Variants in DBF4 observed in about 807,000 individuals in gnomAD.
DBF4 encodes the protein DBF4-CDC7 kinase regulatory subunit, also known as protein DBF4 homolog A.
DBF4 carries 25 observed loss-of-function variants against 76.6 expected under a neutral mutation model. The observed-to-expected ratio is 0.33, with a 90% CI of 0.24 to 0.46. The LOEUF (loss-of-function observed/expected upper bound fraction) is 0.46. DBF4 is among the 20% of genes least tolerant of loss of function. The pLI, the probability that DBF4 is intolerant of heterozygous loss-of-function variation, is 1.00. For synonymous variants in DBF4, 213 were observed against 258.0 expected (o/e 0.83, Z 1.67); for missense variants, 638 against 760.8 (o/e 0.84, Z 1.90).
chr7:87,897,206 A>C, intron 7 of DBF4, 88 bp from the exon 8 acceptor site: 1 of 1,261,014 alleles, frequency 7.9e-7, no homozygotes, highest in South Asian at 1.3e-5. Context: ...TTTTGTTTGG[A>C]GGGTTTTGTT....
At chr7:87,889,632 C>T (rs79425419) in intron 6 of DBF4, among the ~76,000 whole-genome samples, 2,149 of 151,986 alleles carry the variant, frequency 0.014, 37 homozygotes, top group African/African-American at 0.037. Flanking sequence ...ATATACATGC[C>T]GTATATAAGG....
rs142460583 is a variant in DBF4 at position 87,900,870 on chromosome 7, C to A, written c.916C>A (p.Leu306Ile). The A allele has an allele frequency of 9.3e-5, 149 of 1,610,714 alleles. No homozygotes were observed. The highest frequency in any genetic ancestry group is 1.2e-4 in the Non-Finnish European group (141 of 1,178,172). ...ATGTTGCTTGCAGAAATATGAAGAT[C>A]TAGAAACTGTAAATGTGATTTTATA... ...CECCLQKYED[L>I]ETHLLSEQHR... Residue 306 changes from leucine (L) to isoleucine (I), a missense_variant, in exon 10 of 12, where the codon CTA becomes ATA. Coordinates refer to ENST00000265728, the MANE Select transcript of DBF4 (RefSeq NM_006716.4).
In DBF4 at chr7:87,908,130, G is replaced by T; in HGVS notation, c.1992G>T (p.Ser664=). 3.1e-6 allele frequency: 5 copies of T among 1,600,980 alleles called. No individual in the cohort carries two copies. Among genetic ancestry groups the T allele is most frequent in the Non-Finnish European group, 4.3e-6 (5 of 1,174,268 alleles). ...NSDNLLTAFF[S]SPSTSTFTGF ...ATAATCTGTTAACAGCGTTTTTCTCGTCCCCTTCAACTTCTACATTTACTG... is the reference window on the plus strand; with the variant it reads ...ATAATCTGTTAACAGCGTTTTTCTCTTCCCCTTCAACTTCTACATTTACTG... The change falls in exon 12 of 12, where the codon TCG becomes TCT. Residue 664 remains serine (S), a synonymous_variant. Transcript: ENST00000265728.
At chr7:87,882,116 A>G (rs1839229680) in intron 2 of DBF4, among the ~76,000 whole-genome samples, 1 of 152,242 alleles carries the variant, frequency 6.6e-6, no homozygotes, top group Non-Finnish European at 1.5e-5. Flanking sequence ...AATAAGTGGT[A>G]CTAACATAAG....
chr7:87,891,794 C>T (rs539210639), intron 6 of DBF4, among the ~76,000 whole-genome samples: 1 of 152,088 alleles, frequency 6.6e-6, no homozygotes, highest in Non-Finnish European at 1.5e-5. Context: ...GCTCTTATTT[C>T]TTTTCTTCTG....
At chr7:87,903,110 TCTCG>T (rs1839828783) in intron 10 of DBF4, among the ~76,000 whole-genome samples, 1 of 152,168 alleles carries the variant, frequency 6.6e-6, no homozygotes, top group South Asian at 2.1e-4. Flanking sequence ...TGAGATGGAG[TCTCG>T]CTCTGTCACC....
chr7:87,894,721 C>T (rs1378286520), intron 6 of DBF4, among the ~76,000 whole-genome samples: 1 of 152,212 alleles, frequency 6.6e-6, no homozygotes, highest in Non-Finnish European at 1.5e-5. Context: ...GCACCTTACT[C>T]TTGTCCTAAA....
chr7:87,901,180 A>AAT (rs911476087), intron 10 of DBF4, among the ~76,000 whole-genome samples: 1 of 152,218 alleles, frequency 6.6e-6, no homozygotes, highest in Non-Finnish European at 1.5e-5. Context: ...GAAGAATAAA[A>AAT]ATATAGAGAG....
chr7:87,890,856 A>G (rs1286456667), intron 6 of DBF4, among the ~76,000 whole-genome samples: 2 of 152,226 alleles, frequency 1.3e-5, no homozygotes, highest in Non-Finnish European at 2.9e-5. Context: ...TCTTTCTTCT[A>G]AAATAAAAAT....
At chr7:87,886,059 G>A (rs1839341534) in intron 3 of DBF4, among the ~76,000 whole-genome samples, 1 of 152,154 alleles carries the variant, frequency 6.6e-6, no homozygotes, top group East Asian at 1.9e-4. Flanking sequence ...GAGTCAGAAA[G>A]GAGCTATCAC....
Position 87,885,076 on chromosome 7 carries a change from C to A in DBF4, c.317C>A (p.Pro106Gln), listed in dbSNP as rs1839311214. Residue 106 changes from proline (P) to glutamine (Q), a missense_variant, in exon 3 of 12, where the codon CCA becomes CAA. Pro to Gln is a moderately conservative substitution (Grantham distance 76). Coordinates refer to ENST00000265728, the MANE Select transcript of DBF4 (RefSeq NM_006716.4). ...ACCTTGGGTCGAATTTCTCCTGTAC[C>A]AAGTCCAGAATCTGCATATACTGCA... ...AQTLGRISPV[P>Q]SPESAYTAET... The A allele has an allele frequency of 3.7e-6, 6 of 1,613,756 alleles. No homozygotes were observed. The highest frequency in any genetic ancestry group is 5.1e-6 in the Non-Finnish European group (6 of 1,179,784).
chr7:87,885,771 G>A (rs1461562891), intron 3 of DBF4, among the ~76,000 whole-genome samples: 1 of 152,130 alleles, frequency 6.6e-6, no homozygotes, highest in Admixed American at 6.6e-5. Context: ...AATGTGTACT[G>A]TCTGGTCCTT....
intron 8 of DBF4, among the ~76,000 whole-genome samples, chr7:87,899,898 TCA>T (rs1000633753): frequency 6.6e-6 from 1 of 152,156 alleles, no homozygotes; most frequent in African/African-American, 2.4e-5. Context: ...GTATAGAGTT[TCA>T]GTTTTTGCAA....
chr7:87,896,486 G>C lies in DBF4; in HGVS notation c.610G>C (p.Gly204Arg). ...TATTTTTTTTTAGGGCAAAAGAGTT[G>C]GTAGTGGTGCACAAAAAACAAGAAG... ...TSVRDGGKRV[G>R]SGAQKTRTGR... Residue 204 changes from glycine to arginine, a missense_variant, in exon 7 of 12, where the codon GGT becomes CGT. Physicochemically the swap from Gly to Arg is moderately radical, Grantham distance 125. Transcript: ENST00000265728. 1 of 1,611,410 alleles carries C rather than the reference G, an allele frequency of 6.2e-7. No homozygotes were observed. The highest frequency in any genetic ancestry group is 8.5e-7 in the Non-Finnish European group (1 of 1,179,046).
chr7:87,899,991 T>G (rs1282170524), intron 8 of DBF4, among the ~76,000 whole-genome samples: 1 of 152,122 alleles, frequency 6.6e-6, no homozygotes, highest in Non-Finnish European at 1.5e-5. Flanking sequence ...TGCAACTGAA[T>G]TGTACACTTA....
At chr7:87,881,883 CTTAG>C (rs931895512) in intron 2 of DBF4, among the ~76,000 whole-genome samples, 16 of 152,132 alleles carry the variant, frequency 1.1e-4, no homozygotes, top group Admixed American at 5.2e-4. Context: ...ATCTTGAAGT[CTTAG>C]TTAGCAAGGC....
Position 87,909,411 on chromosome 7 carries a change from A to G in DBF4, c.*1248A>G, listed in dbSNP as rs1839988398. 1 of 152,180 alleles carries G rather than the reference A, an allele frequency of 6.6e-6. No homozygotes were observed. Among genetic ancestry groups the G allele is most frequent in the African/African-American group, 2.4e-5 (1 of 41,450 alleles). The allele number at this position is 152,180 out of a possible 1,614,324, so 9.4% of individuals were successfully genotyped here. A position where few individuals can be genotyped will look rare whatever the true frequency, so the allele number is the denominator to read the frequency against. The stretch of plus-strand genomic sequence containing the variant: ...TGAAATATATGATTCTCAGTACAGG[A>G]CTAATTCATATGCTTTTCCTGCATA... On this transcript the variant is annotated 3_prime_UTR_variant, in exon 12 of 12. Coordinates refer to ENST00000265728, the MANE Select transcript of DBF4 (RefSeq NM_006716.4).
chr7:87,876,857 C>T (rs1463677998), intron 1 of DBF4, 79 bp downstream of exon 1: 11 of 1,501,604 alleles, frequency 7.3e-6, no homozygotes, highest in Non-Finnish European at 8.3e-6. Flanking sequence ...CTTCAGACTT[C>T]TCCCGCCGGG....
rs371277675 is a variant in DBF4, at chr7:87,904,257, C to T, written c.925-35C>T. The T allele has an allele frequency of 1.5e-4, 235 of 1,563,582 alleles. No homozygotes were observed. In the African/African-American group the frequency reaches 2.2e-3, roughly 14 times the overall value. On this transcript the variant is annotated intron_variant, in intron 10 of 11. Transcript: ENST00000265728. ...AAAAGGCATCTCTTGATTTTAAATA[C>T]AATTTTTTGATACATGTTTTTAATT... is the stretch of plus-strand genomic sequence containing the variant.
Sources: allele counts gnomAD v4.1 joint callset (sites outside exome capture counted in the v4.1 genomes callset), GRCh38; gene constraint gnomAD v4.1.1; transcripts MANE v1.5; gene names NCBI Gene and HGNC (gene_info 2026-07-23, HGNC 2026-07-21).